SLC35F4: variants seen among roughly 807,000 people sequenced by gnomAD.
SLC35F4 encodes the protein chromosome 14 open reading frame 36.
A neutral mutation model predicts 44.2 loss-of-function variants in SLC35F4; 24 were observed. The ratio of observed to expected loss-of-function variants is 0.54; its 90% CI spans 0.39 to 0.76. SLC35F4 has a LOEUF of 0.76. Ranked by LOEUF, SLC35F4 falls within the 30% of genes least tolerant of loss-of-function variation. The pLI, the probability that SLC35F4 is intolerant of heterozygous loss-of-function variation, is 0.00. For synonymous variants in SLC35F4, 238 were observed against 223.6 expected (o/e 1.06, Z -0.57); for missense variants, 562 against 586.1 (o/e 0.96, Z 0.42).
intron 1 of SLC35F4, among the ~76,000 whole-genome samples, chr14:57,757,479 T>A (rs1483220172): frequency 6.6e-6 from 1 of 152,168 alleles, no homozygotes. Flanking sequence ...AGTGAGTTTT[T>A]TAAATGATTA....
intron 1 of SLC35F4, among the ~76,000 whole-genome samples, chr14:57,909,717 C>A (rs1156522467): frequency 6.6e-6 from 1 of 151,934 alleles, no homozygotes; most frequent in Non-Finnish European, 1.5e-5. Context: ...ATCTCTTTGC[C>A]TACTGAGGGA....
intron 1 of SLC35F4, among the ~76,000 whole-genome samples, chr14:57,822,637 G>A (rs1449145122): frequency 1.3e-5 from 2 of 152,012 alleles, no homozygotes; most frequent in Non-Finnish European, 2.9e-5. Context: ...AAACAATATT[G>A]TTGTCTCTAT....
chr14:57,887,440 A>G (rs145626218), intron 1 of SLC35F4, among the ~76,000 whole-genome samples: 189 of 152,314 alleles, frequency 1.2e-3, no homozygotes, highest in African/African-American at 4.3e-3. Context: ...ACTGAACCCG[A>G]TAAACGGGAT....
intron 1 of SLC35F4, among the ~76,000 whole-genome samples, chr14:57,786,266 C>T (rs1438810792): frequency 6.6e-6 from 1 of 152,116 alleles, no homozygotes; most frequent in East Asian, 1.9e-4. Context: ...CAGCAAGATC[C>T]GCCCAATGAG....
At chr14:57,689,499 G>A (rs1023428595) in intron 1 of SLC35F4, among the ~76,000 whole-genome samples, 2 of 151,998 alleles carry the variant, frequency 1.3e-5, no homozygotes, top group Non-Finnish European at 2.9e-5. Context: ...CCCTGCTCCC[G>A]GTCTCACTGT....
intron 1 of SLC35F4, among the ~76,000 whole-genome samples, chr14:57,899,493 CTT>C (rs1422713798): frequency 6.6e-6 from 1 of 151,838 alleles, no homozygotes; most frequent in East Asian, 2.0e-4. Flanking sequence ...ATGTGAAACT[CTT>C]TGAGAACCAT....
At chr14:57,639,230 A>T (rs1423459389) in intron 1 of SLC35F4, among the ~76,000 whole-genome samples, 1 of 152,128 alleles carries the variant, frequency 6.6e-6, no homozygotes, top group Non-Finnish European at 1.5e-5. Flanking sequence ...ATAAAGACAG[A>T]TGACCCCAAA....
chr14:57,754,799 A>G (rs982835256), intron 1 of SLC35F4, among the ~76,000 whole-genome samples: 3 of 152,266 alleles, frequency 2.0e-5, no homozygotes, highest in Non-Finnish European at 4.4e-5. Context: ...TTTTCTGGTC[A>G]GAGGAAACCA....
intron 1 of SLC35F4, among the ~76,000 whole-genome samples, chr14:57,615,470 GGCTTTT>G (rs2140068072): frequency 6.6e-6 from 1 of 151,974 alleles, no homozygotes; most frequent in African/African-American, 2.4e-5. Context: ...CTTATGTACT[GGCTTTT>G]GCCAAAGGAC....
At chr14:57,646,871 C>T (rs2073548695) in intron 1 of SLC35F4, among the ~76,000 whole-genome samples, 1 of 152,150 alleles carries the variant, frequency 6.6e-6, no homozygotes, top group African/African-American at 2.4e-5. Context: ...GCCTTCATTT[C>T]ATTATGTACC....
At chr14:57,826,584 T>C (rs1023705868) in intron 1 of SLC35F4, among the ~76,000 whole-genome samples, 1 of 151,398 alleles carries the variant, frequency 6.6e-6, no homozygotes, top group Non-Finnish European at 1.5e-5. Flanking sequence ...ACCTAAAGAA[T>C]GGGAGAAAAT....
intron 1 of SLC35F4, among the ~76,000 whole-genome samples, chr14:57,876,160 C>T (rs781317840): frequency 2.0e-5 from 3 of 152,132 alleles, no homozygotes; most frequent in Non-Finnish European, 2.9e-5. Context: ...GCTGGGTCTG[C>T]ATAATGTTGG....
intron 1 of SLC35F4, among the ~76,000 whole-genome samples, chr14:57,791,648 A>G (rs1384992503): frequency 6.6e-6 from 1 of 151,880 alleles, no homozygotes; most frequent in Non-Finnish European, 1.5e-5. Flanking sequence ...CCAAAGGATT[A>G]TAAAACACAT....
At chr14:57,646,002 A>C (rs574831431) in intron 1 of SLC35F4, among the ~76,000 whole-genome samples, 1 of 152,186 alleles carries the variant, frequency 6.6e-6, no homozygotes, top group South Asian at 2.1e-4. Context: ...AAGCTTTTTG[A>C]TGTGCTGCTG....
chr14:57,593,837 A>T (rs1353551839), intron 2 of SLC35F4, 102 bp downstream of exon 2: 1 of 1,277,892 alleles, frequency 7.8e-7, no homozygotes, highest in Admixed American at 2.2e-5. Flanking sequence ...TGTACTCATA[A>T]GAGTCCGTGT....
At chr14:57,723,114 G>T (rs1015821892) in intron 1 of SLC35F4, among the ~76,000 whole-genome samples, 1 of 152,148 alleles carries the variant, frequency 6.6e-6, no homozygotes, top group Non-Finnish European at 1.5e-5. Flanking sequence ...CATCATTGTG[G>T]TCCTCCAGTT....
chr14:57,881,890 C>T (rs1284906529), intron 1 of SLC35F4, among the ~76,000 whole-genome samples: 2 of 152,184 alleles, frequency 1.3e-5, no homozygotes, highest in African/African-American at 4.8e-5. Flanking sequence ...AATTGCTCAT[C>T]TTCCTTATTT....
At chr14:57,586,359 TA>T (rs1482123257) in intron 3 of SLC35F4, among the ~76,000 whole-genome samples, 2 of 152,066 alleles carry the variant, frequency 1.3e-5, no homozygotes, top group South Asian at 4.1e-4. Context: ...ACGTAAGACC[TA>T]AAACCATAAA....
intron 1 of SLC35F4, among the ~76,000 whole-genome samples, chr14:57,772,663 T>A (rs1452208115): frequency 1.3e-5 from 2 of 152,222 alleles, no homozygotes; most frequent in Non-Finnish European, 2.9e-5. Flanking sequence ...AACAATAGCC[T>A]CTAGTTCCAT....
Sources: gnomAD v4.1 joint callset for allele counts (sites outside exome capture counted in the v4.1 genomes callset) on GRCh38, gnomAD v4.1.1 for gene constraint, MANE v1.5 for transcripts, NCBI Gene and HGNC (gene_info 2026-07-23, HGNC 2026-07-21) for gene names.